Variants in GNAS observed in about 807,000 individuals in gnomAD.
GNAS encodes GNAS complex locus.
GNAS carries 8 observed loss-of-function variants against 54.5 expected under a neutral mutation model. The ratio of observed to expected loss-of-function variants is 0.15; its 90% CI spans 0.09 to 0.26. The LOEUF is 0.26. Ranked by LOEUF, GNAS falls within the 10% of genes least tolerant of loss-of-function variation. The pLI is 1.00. For synonymous variants in GNAS, 204 were observed against 191.4 expected, an observed-to-expected ratio of 1.07 and a Z score of -0.54; for missense variants, 170 against 529.8, an observed-to-expected ratio of 0.32 and a Z score of 6.67.
rs2086571110 is a variant in GNAS at position 58,857,535 on chromosome 20, A to C, written c.43+16649A>C. On this transcript the variant is annotated intron_variant, in intron 1 of 12. Transcript: ENST00000306090. This position sits in a 1 kb window ranked among gnomAD's most constrained non-coding sequence, Gnocchi z 4.1. Reference sequence around the variant, plus strand: ...AGTGACAGTGTGCACCTGACCCCTAATTGTCAAATTGGTGATGTGCCTTAC... The same window carrying C: ...AGTGACAGTGTGCACCTGACCCCTACTTGTCAAATTGGTGATGTGCCTTAC... 6.6e-6 allele frequency among the ~76,000 whole-genome samples: 1 copy of C among 152,100 alleles called. No homozygotes were observed. Among genetic ancestry groups the C allele is most frequent in the South Asian group, 2.1e-4 (1 of 4,818 alleles).
At chr20:58,896,879 C>T (rs892790825) in intron 2 of GNAS, among the ~76,000 whole-genome samples, 3 of 151,986 alleles carry the variant, frequency 2.0e-5, no homozygotes, top group Non-Finnish European at 2.9e-5. Context: ...ACCAACCACC[C>T]CCCAAAAAAA....
intron 3 of GNAS, chr20:58,899,561 G>A: frequency 1.9e-6 from 1 of 535,728 alleles, no homozygotes; most frequent in Non-Finnish European, 3.5e-6. Flanking sequence ...ACGTTAGCTT[G>A]GTGGATAAGG....
At chr20:58,896,384 G>A (rs968583304) in intron 2 of GNAS, among the ~76,000 whole-genome samples, 1 of 152,070 alleles carries the variant, frequency 6.6e-6, no homozygotes, top group African/African-American at 2.4e-5. Context: ...CCTCACTGAG[G>A]GGCATTTTTG....
chr20:58,907,797 A>G (rs1007758007), intron 6 of GNAS, among the ~76,000 whole-genome samples: 2 of 152,022 alleles, frequency 1.3e-5, no homozygotes, highest in Non-Finnish European at 2.9e-5. Flanking sequence ...ACAGCCCTGC[A>G]TCTGCCGTGG....
chr20:58,896,606 G>A (rs1387454603), intron 2 of GNAS, among the ~76,000 whole-genome samples: 1 of 150,284 alleles, frequency 6.7e-6, no homozygotes, highest in Non-Finnish European at 1.5e-5. Flanking sequence ...CATCGTTCTC[G>A]TGTAACAAAA....
In GNAS at chr20:58,857,341, G is replaced by C. The variant is rs1183788918; in HGVS notation, c.43+16455G>C. 1 of 152,112 alleles carries C rather than the reference G, an allele frequency of 6.6e-6. No homozygotes were observed. Among genetic ancestry groups the C allele is most frequent in the African/African-American group, 2.4e-5 (1 of 41,402 alleles). The allele number at this position is 152,112 out of a possible 1,614,324, so 9.4% of individuals were successfully genotyped here. On this transcript the variant is annotated intron_variant, in intron 1 of 12. Transcript: ENST00000306090. This position sits in a 1 kb window ranked among gnomAD's most constrained non-coding sequence, Gnocchi z 4.1. Reference sequence around the variant, plus strand: ...ATGGTCGTTGTTTTAAATTTCAAATGTCTCAACTACACTAAAGCTACCAAA... The same window carrying C: ...ATGGTCGTTGTTTTAAATTTCAAATCTCTCAACTACACTAAAGCTACCAAA...
chr20:58,875,903 G>A (rs1306219675), intron 1 of GNAS, among the ~76,000 whole-genome samples: 1 of 152,186 alleles, frequency 6.6e-6, no homozygotes, highest in Non-Finnish European at 1.5e-5. Flanking sequence ...ATGGGGGAAG[G>A]AGCAAGGAGG....
intron 1 of GNAS, chr20:58,892,098 C>A: frequency 1.0e-6 from 1 of 970,504 alleles, no homozygotes; most frequent in Non-Finnish European, 1.2e-6. Flanking sequence ...GCGCGGGTCC[C>A]CCTCCCCCGG....
At position 58,856,148 on chromosome 20, in the gene GNAS, G is replaced by GTTTCCTCACTTCTCA. The variant is rs1482490685; in HGVS notation, c.43+15265_43+15279dup. On this transcript the variant is annotated intron_variant, in intron 1 of 12. Transcript: ENST00000306090. This position sits in a 1 kb window ranked among gnomAD's most constrained non-coding sequence, Gnocchi z 4.2. ...CTCTCTTTTTCCTTTTGCGCTAAGC[G>GTTTCCTCACTTCTCA]TTTCCTCACTTCTCATTCGTTCGCC... 1.3e-5 allele frequency: 2 copies of GTTTCCTCACTTCTCA among 159,310 alleles called. No individual in the cohort carries two copies. Among genetic ancestry groups the GTTTCCTCACTTCTCA allele is most frequent in the Non-Finnish European group, 2.8e-5 (2 of 72,008 alleles). The allele number at this position is 159,310 out of a possible 1,614,324, so 9.9% of individuals were successfully genotyped here.
chr20:58,907,004 A>C (rs1268107465), intron 6 of GNAS, among the ~76,000 whole-genome samples: 1 of 152,154 alleles, frequency 6.6e-6, no homozygotes, highest in African/African-American at 2.4e-5. Flanking sequence ...TGATTTTGCT[A>C]TAGGAAGTAT....
chr20:58,854,012 C>A (rs373991466), intron 1 of GNAS: 1 of 1,611,694 alleles, frequency 6.2e-7, no homozygotes, highest in Non-Finnish European at 8.5e-7. Context: ...TCGCACAAGT[C>A]GACGGCAGCA....
At chr20:58,899,916 A>G in intron 3 of GNAS, 1 of 717,806 alleles carries the variant, frequency 1.4e-6, no homozygotes, top group Non-Finnish European at 2.6e-6. Flanking sequence ...GGACAAAGTA[A>G]CTGACACATG....
intron 1 of GNAS, among the ~76,000 whole-genome samples, chr20:58,860,832 T>G (rs1230586767): frequency 1.3e-5 from 2 of 152,152 alleles, no homozygotes; most frequent in African/African-American, 4.8e-5. Flanking sequence ...GGATAATTTT[T>G]TGTATTTTTA....
chr20:58,854,780 C>T, intron 1 of GNAS: 1 of 1,565,824 alleles, frequency 6.4e-7, no homozygotes, highest in African/African-American at 1.3e-5. Flanking sequence ...CTTCTGCCAC[C>T]CGGGCAGCCC....
At position 58,853,188 on chromosome 20, in the gene GNAS, T is replaced by G; in HGVS notation, c.43+12302T>G. 6.9e-7 allele frequency: 1 copy of G among 1,450,256 alleles called. No individual in the cohort carries two copies. The highest frequency in any genetic ancestry group is 2.8e-5 in the Admixed American group (1 of 35,360). The allele number at this position is 1,450,256 out of a possible 1,614,324, so 89.8% of individuals were successfully genotyped here. A position where few individuals can be genotyped will look rare whatever the true frequency, so the allele number is the denominator to read the frequency against. ...TACTTTGATTTTAAAATAATAATAA[T>G]AATTTTTTCACCCTAGTTCGGTTGG... On this transcript the variant is annotated intron_variant, in intron 1 of 12. Coordinates refer to the GNAS transcript ENST00000306090. This position sits in a 1 kb window ranked among gnomAD's most constrained non-coding sequence, Gnocchi z 4.4.
chr20:58,882,223 T>C (rs1050108762), intron 1 of GNAS, among the ~76,000 whole-genome samples: 38 of 152,268 alleles, frequency 2.5e-4, no homozygotes, highest in African/African-American at 7.9e-4. Flanking sequence ...CGCCCGCCAC[T>C]GCGCCCGGCT....
At chr20:58,855,753 G>C (rs916697110) in intron 1 of GNAS, 6 of 619,122 alleles carry the variant, frequency 9.7e-6, no homozygotes, top group Non-Finnish European at 1.8e-5. Flanking sequence ...GCCCCGCCTC[G>C]CCTGGCACGG....
chr20:58,898,934 T>C lies in GNAS; in HGVS notation c.213-7T>C. 6.2e-7 allele frequency: 1 copy of C among 1,613,284 alleles called. No homozygotes were observed. The highest frequency in any genetic ancestry group is 1.1e-5 in the South Asian group (1 of 91,046). The stretch of plus-strand genomic sequence containing the variant: ...GATTAGGTGAGCTTTCAATCTCTCT[T>C]TAAAAGGGGCGGCGAAGAGGACCCG... On this transcript the variant is annotated splice_polypyrimidine_tract_variant and splice_region_variant and intron_variant, in intron 2 of 12. Transcript: ENST00000371085.
chr20:58,883,300 A>G (rs971848557), intron 1 of GNAS, among the ~76,000 whole-genome samples: 6 of 152,156 alleles, frequency 3.9e-5, no homozygotes, highest in South Asian at 2.1e-4. Context: ...CATTCTTTCA[A>G]TTTTTTCGGT....
Sources: gnomAD v4.1 joint callset for allele counts (sites outside exome capture counted in the v4.1 genomes callset) on GRCh38, gnomAD v4.1.1 for gene constraint, Gnocchi (gnomAD v3.1) non-coding constraint, MANE v1.5 for transcripts, NCBI Gene and HGNC (gene_info 2026-07-23, HGNC 2026-07-21) for gene names.